The following NKAIN2 variants were observed in gnomAD, a reference collection of about 807,000 sequenced individuals.
NKAIN2 encodes sodium/potassium transporting ATPase interacting 2.
In NKAIN2, 14 loss-of-function variants were observed where a neutral mutation model predicts 32.6. The ratio of observed to expected loss-of-function variants is 0.43; its 90% confidence interval spans 0.28 to 0.67. The LOEUF is 0.67. Ranked by LOEUF, NKAIN2 falls within the 30% of genes least tolerant of loss-of-function variation. The probability of loss-of-function intolerance (pLI) is 0.17; values close to 1 mark genes in which losing one functional copy is unlikely to be tolerated. For synonymous variants in NKAIN2, 80 were observed against 87.2 expected (o/e 0.92, Z 0.46); for missense variants, 198 against 258.3 (o/e 0.77, Z 1.60).
intron 4 of NKAIN2, among the ~76,000 whole-genome samples, chr6:124,745,896 A>T (rs1319561038): frequency 1.3e-5 from 2 of 151,876 alleles, no homozygotes; most frequent in Non-Finnish European, 2.9e-5. Flanking sequence ...TATGGCATAC[A>T]TTTTTTTAAA....
At chr6:124,037,837 G>C (rs534422958) in intron 1 of NKAIN2, among the ~76,000 whole-genome samples, 64 of 152,264 alleles carry the variant, frequency 4.2e-4, no homozygotes, top group African/African-American at 1.3e-3. Context: ...GGGAGCAACA[G>C]TCAACTTCAA....
chr6:124,285,410 T>C (rs939714284), intron 2 of NKAIN2, among the ~76,000 whole-genome samples: 7 of 152,120 alleles, frequency 4.6e-5, no homozygotes, highest in African/African-American at 1.7e-4. Flanking sequence ...CATAAACTCA[T>C]AGGCATATTT....
At chr6:124,284,805 G>A (rs1341764608) in intron 2 of NKAIN2, among the ~76,000 whole-genome samples, 1 of 151,792 alleles carries the variant, frequency 6.6e-6, no homozygotes, top group Admixed American at 6.6e-5. Context: ...ATACTAACCT[G>A]TGTAACATAG....
intron 1 of NKAIN2, among the ~76,000 whole-genome samples, chr6:124,153,057 A>G (rs1453115855): frequency 6.6e-6 from 1 of 151,904 alleles, no homozygotes; most frequent in Non-Finnish European, 1.5e-5. Context: ...ATACAGTTAG[A>G]TAGAAGGAAT....
intron 1 of NKAIN2, among the ~76,000 whole-genome samples, chr6:123,895,239 A>T (rs996325366): frequency 6.6e-6 from 1 of 151,614 alleles, no homozygotes; most frequent in Non-Finnish European, 1.5e-5. Flanking sequence ...ACACATACAC[A>T]CAGCAACAGC....
intron 3 of NKAIN2, among the ~76,000 whole-genome samples, chr6:124,594,442 G>T (rs1782013255): frequency 6.6e-6 from 1 of 152,104 alleles, no homozygotes; most frequent in Non-Finnish European, 1.5e-5. Context: ...GTAAAATGTT[G>T]CCAAAAGTTC....
chr6:123,813,722 G>T (rs894890921), intron 1 of NKAIN2, among the ~76,000 whole-genome samples: 1 of 152,122 alleles, frequency 6.6e-6, no homozygotes, highest in East Asian at 1.9e-4. Context: ...TGAGGCATGG[G>T]AATTGCTTGA....
At chr6:124,222,442 G>T (rs1259229518) in intron 1 of NKAIN2, among the ~76,000 whole-genome samples, 1 of 152,162 alleles carries the variant, frequency 6.6e-6, no homozygotes, top group African/African-American at 2.4e-5. Flanking sequence ...GTACAGGGTT[G>T]GGAGCATTGG....
intron 1 of NKAIN2, among the ~76,000 whole-genome samples, chr6:123,815,225 T>G (rs1773643292): frequency 6.6e-6 from 1 of 152,234 alleles, no homozygotes; most frequent in Non-Finnish European, 1.5e-5. Flanking sequence ...TATTACTTAC[T>G]TACTTATGCT....
chr6:124,084,637 T>C (rs1432651449), intron 1 of NKAIN2, among the ~76,000 whole-genome samples: 2 of 152,004 alleles, frequency 1.3e-5, no homozygotes, highest in Admixed American at 1.3e-4. Context: ...TACCTCACTT[T>C]ATCCAGGAAA....
chr6:124,709,418 C>T (rs1011337947), intron 4 of NKAIN2, among the ~76,000 whole-genome samples: 234 of 151,482 alleles, frequency 1.5e-3, no homozygotes, highest in Non-Finnish European at 2.8e-3. Context: ...GGAATGGTAC[C>T]AGTTCCTCCT....
intron 1 of NKAIN2, among the ~76,000 whole-genome samples, chr6:124,105,114 C>T (rs925243197): frequency 3.9e-5 from 6 of 152,122 alleles, no homozygotes; most frequent in African/African-American, 1.4e-4. Context: ...GATGATATAG[C>T]CGTGTGTGGC....
chr6:124,170,471 T>C (rs1788789101), intron 1 of NKAIN2, among the ~76,000 whole-genome samples: 1 of 152,210 alleles, frequency 6.6e-6, no homozygotes, highest in South Asian at 2.1e-4. Context: ...CTCTGATGTA[T>C]GGCAAAAGAA....
At chr6:124,512,782 T>C (rs1452233074) in intron 3 of NKAIN2, among the ~76,000 whole-genome samples, 1 of 152,174 alleles carries the variant, frequency 6.6e-6, no homozygotes, top group Non-Finnish European at 1.5e-5. Flanking sequence ...AGCAAATAGA[T>C]GATAGTTGAA....
chr6:123,896,138 A>G (rs908833488), intron 1 of NKAIN2, among the ~76,000 whole-genome samples: 1 of 152,206 alleles, frequency 6.6e-6, no homozygotes, highest in Non-Finnish European at 1.5e-5. Flanking sequence ...TATGTCTGGT[A>G]CAGTACACTT....
intron 1 of NKAIN2, among the ~76,000 whole-genome samples, chr6:123,965,119 G>C (rs1396678836): frequency 6.6e-6 from 1 of 151,786 alleles, no homozygotes; most frequent in African/African-American, 2.4e-5. Context: ...CTTTTTTTGA[G>C]ACATCCATCC....
In NKAIN2 at chr6:124,567,305, G is replaced by A. The variant is rs936868645; in HGVS notation, c.274-90881G>A. On this transcript the variant is annotated intron_variant, in intron 3 of 6. Coordinates refer to ENST00000368417, the MANE Select transcript of NKAIN2 (RefSeq NM_001040214.3). ...TAAATTCATGATCACCAATAATTGG[G>A]CTTTCAACTCTGTCCAGTAATTCTA... 2.0e-5 allele frequency among the ~76,000 whole-genome samples: 3 copies of A among 152,232 alleles called. No homozygotes were observed. In the East Asian group the frequency reaches 5.8e-4, roughly 29 times the overall value.
chr6:124,218,333 G>A (rs548775217), intron 1 of NKAIN2, among the ~76,000 whole-genome samples: 1 of 152,036 alleles, frequency 6.6e-6, no homozygotes, highest in Non-Finnish European at 1.5e-5. Context: ...TAAAACCTTT[G>A]TGTATTTTCA....
chr6:123,844,757 G>T (rs983361889), intron 1 of NKAIN2, among the ~76,000 whole-genome samples: 1 of 152,230 alleles, frequency 6.6e-6, no homozygotes, highest in African/African-American at 2.4e-5. Context: ...GCTAACAGAT[G>T]TGACAATTCC....
Sources: gnomAD v4.1 joint callset for allele counts (sites outside exome capture counted in the v4.1 genomes callset) on GRCh38, gnomAD v4.1.1 for gene constraint, MANE v1.5 for transcripts, NCBI Gene and HGNC (gene_info 2026-07-23, HGNC 2026-07-21) for gene names.